The following DTNB variants were observed in gnomAD, a reference collection of about 807,000 sequenced individuals.
DTNB encodes the protein DTN-B.
Under a neutral mutation model 90.7 loss-of-function variants are expected in DTNB, and 63 were observed. The ratio of observed to expected loss-of-function variants is 0.69; its 90% confidence interval spans 0.57 to 0.86. The LOEUF (loss-of-function observed/expected upper bound fraction) is 0.86, where lower values mean the gene tolerates loss of function less well. Ranked by LOEUF, DTNB falls within the 40% of genes least tolerant of loss-of-function variation. The probability of loss-of-function intolerance (pLI) is 0.00; values close to 1 mark genes in which losing one functional copy is unlikely to be tolerated. For missense variants in DTNB, 744 were observed against 807.1 expected, an observed-to-expected ratio of 0.92 and a Z score of 0.95; for synonymous variants, 277 against 286.7, an observed-to-expected ratio of 0.97 and a Z score of 0.34.
chr2:25,578,549 G>T (rs951555592), intron 7 of DTNB, among the ~76,000 whole-genome samples: 1 of 152,158 alleles, frequency 6.6e-6, no homozygotes, highest in Non-Finnish European at 1.5e-5. Flanking sequence ...ATGTCTATGT[G>T]ATTCTCCTAC....
intron 8 of DTNB, chr2:25,558,378 T>C (rs913169938): frequency 5.1e-6 from 5 of 985,252 alleles, no homozygotes; most frequent in Non-Finnish European, 6.0e-6. Flanking sequence ...AAGCAGAAGA[T>C]GCACTCTCCA....
chr2:25,408,731 T>C (rs1045720754), intron 16 of DTNB, among the ~76,000 whole-genome samples: 2 of 152,140 alleles, frequency 1.3e-5, no homozygotes, highest in Admixed American at 6.5e-5. Context: ...GAACTTGTTA[T>C]AACATGCATC....
At chr2:25,481,898 T>G (rs1401691894) in intron 10 of DTNB, 2 of 152,018 alleles carry the variant, frequency 1.3e-5, no homozygotes, top group Admixed American at 6.6e-5. Context: ...GACGTAGGAG[T>G]TTTAGCCAAT....
At chr2:25,383,621 A>G (rs1230470193) in intron 19 of DTNB, 2 of 945,270 alleles carry the variant, frequency 2.1e-6, no homozygotes, top group Admixed American at 2.9e-5. Flanking sequence ...CTATCCCAGG[A>G]TCAGGAAATG....
At chr2:25,586,595 T>C (rs1309885143) in intron 6 of DTNB, among the ~76,000 whole-genome samples, 1 of 151,348 alleles carries the variant, frequency 6.6e-6, no homozygotes, top group Non-Finnish European at 1.5e-5. Context: ...TGTCAGTCAC[T>C]GGGGATGGAA....
intron 16 of DTNB, among the ~76,000 whole-genome samples, chr2:25,396,738 A>AG (rs1219525001): frequency 6.6e-6 from 1 of 150,484 alleles, no homozygotes; most frequent in Non-Finnish European, 1.5e-5. Context: ...AACTAAAAAA[A>AG]AAAAAAAAAA....
At chr2:25,644,807 C>G (rs2079086780) in intron 2 of DTNB, among the ~76,000 whole-genome samples, 1 of 151,974 alleles carries the variant, frequency 6.6e-6, no homozygotes, top group African/African-American at 2.4e-5. Context: ...ATTATTAGTT[C>G]AAATAACTAA....
At chr2:25,574,159 G>A (rs1250662042) in intron 8 of DTNB, among the ~76,000 whole-genome samples, 2 of 152,164 alleles carry the variant, frequency 1.3e-5, no homozygotes, top group African/African-American at 2.4e-5. Flanking sequence ...AACAAGAATA[G>A]GAAAAAAGTA....
chr2:25,448,835 G>A (rs533059872), intron 12 of DTNB, among the ~76,000 whole-genome samples: 3 of 139,282 alleles, frequency 2.2e-5, no homozygotes, highest in Non-Finnish European at 3.0e-5. Context: ...CAACCTGGGC[G>A]ACAGAGCAAG....
intron 10 of DTNB, among the ~76,000 whole-genome samples, chr2:25,477,296 C>T (rs999334105): frequency 3.3e-5 from 5 of 152,050 alleles, no homozygotes; most frequent in South Asian, 4.2e-4. Flanking sequence ...CACTTTATTG[C>T]GGTGGTCTGG....
intron 8 of DTNB, among the ~76,000 whole-genome samples, chr2:25,545,259 A>G (rs912509127): frequency 6.6e-6 from 1 of 152,036 alleles, no homozygotes; most frequent in Non-Finnish European, 1.5e-5. Flanking sequence ...ACTATTCCCA[A>G]TTTCATTTCT....
At chr2:25,528,271 A>G (rs1371933058) in intron 9 of DTNB, among the ~76,000 whole-genome samples, 1 of 152,164 alleles carries the variant, frequency 6.6e-6, no homozygotes, top group Non-Finnish European at 1.5e-5. Context: ...AACCTCTTAA[A>G]CCCGATAAAT....
chr2:25,560,020 G>T (rs1044046534), intron 8 of DTNB, among the ~76,000 whole-genome samples: 2 of 152,222 alleles, frequency 1.3e-5, no homozygotes, highest in Non-Finnish European at 2.9e-5. Context: ...AGGCCAAGGC[G>T]GGTGGATCAC....
chr2:25,566,868 AG>A (rs1186394355), intron 8 of DTNB, among the ~76,000 whole-genome samples: 9 of 152,190 alleles, frequency 5.9e-5, no homozygotes, highest in African/African-American at 2.2e-4. Flanking sequence ...GCGGTGCTAA[AG>A]GGAAGTGAGC....
intron 4 of DTNB, among the ~76,000 whole-genome samples, chr2:25,611,676 C>A (rs2148557983): frequency 6.6e-6 from 1 of 152,262 alleles, no homozygotes; most frequent in East Asian, 1.9e-4. Context: ...ATCCTATCGA[C>A]TTCTAAAGTG....
Position 25,434,007 on chromosome 2 carries a change from A to G in DTNB, c.1258-12T>C. 1.3e-6 allele frequency: 2 copies of G among 1,595,716 alleles called. No homozygotes were observed. The highest frequency in any genetic ancestry group is 1.7e-6 in the Non-Finnish European group (2 of 1,176,130). On this transcript the variant is annotated splice_polypyrimidine_tract_variant and intron_variant, in intron 12 of 20. Transcript: ENST00000406818. ...GTGGGAGGACGAGTCTAAAGTGGGG[A>G]AGTCGGGAGAAAGTTTTTTTTTTTC...
At chr2:25,536,741 A>C (rs1288153733) in intron 8 of DTNB, among the ~76,000 whole-genome samples, 1 of 151,930 alleles carries the variant, frequency 6.6e-6, no homozygotes, top group Non-Finnish European at 1.5e-5. Flanking sequence ...GAGATGGGAG[A>C]CGGGAGAGGG....
chr2:25,402,052 A>G (rs966260059), intron 16 of DTNB, among the ~76,000 whole-genome samples: 1 of 152,244 alleles, frequency 6.6e-6, no homozygotes, highest in African/African-American at 2.4e-5. Flanking sequence ...TGGGATATGT[A>G]GAGAACAGCC....
intron 4 of DTNB, among the ~76,000 whole-genome samples, chr2:25,608,834 C>A (rs540154106): frequency 6.6e-6 from 1 of 152,168 alleles, no homozygotes; most frequent in African/African-American, 2.4e-5. Flanking sequence ...AGGATAGGGG[C>A]ACATAACAGA....
Sources: gnomAD v4.1 joint callset for allele counts (sites outside exome capture counted in the v4.1 genomes callset) on GRCh38, gnomAD v4.1.1 for gene constraint, MANE v1.5 for transcripts, NCBI Gene and HGNC (gene_info 2026-07-23, HGNC 2026-07-21) for gene names.